The following MRTFB variants were observed in gnomAD, a reference collection of about 807,000 sequenced individuals.
MRTFB encodes the protein myocardin-related transcription factor B.
A neutral mutation model predicts 104.2 loss-of-function variants in MRTFB; 29 were observed. The ratio of observed to expected loss-of-function variants is 0.28; its 90% CI spans 0.21 to 0.38. The LOEUF (loss-of-function observed/expected upper bound fraction) is 0.38. Among genes scored for constraint, MRTFB ranks in the 10% least tolerant of loss-of-function variants. The probability of loss-of-function intolerance (pLI) is 1.00; values close to 1 mark genes in which losing one functional copy is unlikely to be tolerated. For missense variants in MRTFB, 1,270 were observed against 1,341.6 expected (o/e 0.95, Z 0.83); for synonymous variants, 535 against 519.5 (o/e 1.03, Z -0.41).
At chr16:14,133,382 T>A (rs2037540934) in intron 2 of MRTFB, among the ~76,000 whole-genome samples, 1 of 152,232 alleles carries the variant, frequency 6.6e-6, no homozygotes, top group Non-Finnish European at 1.5e-5. Context: ...CTCTGGCTAA[T>A]TAAGTGCCAA....
chr16:14,261,347 A>T lies in MRTFB; in HGVS notation c.3203A>T (p.Asn1068Ile). The T allele has an allele frequency of 6.2e-7, 1 of 1,612,816 alleles. No individual in the cohort carries two copies. Among genetic ancestry groups the T allele is most frequent in the Non-Finnish European group, 8.5e-7 (1 of 1,179,702 alleles). The change falls in exon 17 of 17, where the codon AAC (asparagine) becomes ATC (isoleucine). Residue 1068 changes from asparagine (N) to isoleucine (I), a missense_variant. By Grantham distance (149) the Asn-to-Ile change is moderately radical. Around this residue, in one of 3 missense-constraint regions of MRTFB, gnomAD observed 1,144 missense variants for 1,131.5 expected, o/e 1.01. Transcript: ENST00000571589. The part of the protein sequence containing the change: ...NMEWLDITMP[N>I]SSSGLTPLST... The stretch of plus-strand genomic sequence containing the variant: ...GAGTGGTTGGACATTACCATGCCCA[A>T]CTCCTCTTCAGGACTCACTCCTCTC...
chr16:13,996,631 G>A, the MRTFB span, among the ~76,000 whole-genome samples: 3 of 152,206 alleles, frequency 2.0e-5, no homozygotes, highest in Non-Finnish European at 4.4e-5. Context: ...TGGGGAAGAT[G>A]GATATTAATG....
the MRTFB span, among the ~76,000 whole-genome samples, chr16:14,043,834 C>T: frequency 2.2e-3 from 336 of 152,306 alleles, no homozygotes; most frequent in Non-Finnish European, 3.7e-3. Context: ...GTGCTAGGCA[C>T]ACGGGGAGAG....
chr16:14,194,359 A>C (rs2040331439), intron 3 of MRTFB, among the ~76,000 whole-genome samples: 1 of 152,196 alleles, frequency 6.6e-6, no homozygotes, highest in Non-Finnish European at 1.5e-5. Flanking sequence ...AGAAAGAAAG[A>C]GGGAGGGTGA....
intron 2 of MRTFB, among the ~76,000 whole-genome samples, chr16:14,102,765 T>C (rs1245466598): frequency 2.6e-5 from 4 of 152,238 alleles, no homozygotes; most frequent in African/African-American, 9.6e-5. Flanking sequence ...TAAAACATGG[T>C]ATTATTTCTC....
chr16:14,042,353 AC>A, the MRTFB span, among the ~76,000 whole-genome samples: 1 of 152,076 alleles, frequency 6.6e-6, no homozygotes, highest in Non-Finnish European at 1.5e-5. Context: ...TGAACTCCTG[AC>A]CTCTGGTGAT....
intron 15 of MRTFB, 75 bp from the exon 16 acceptor site, chr16:14,258,026 C>T: frequency 8.0e-7 from 1 of 1,256,076 alleles, no homozygotes; most frequent in Non-Finnish European, 1.2e-6. Flanking sequence ...CTAGAAAGTC[C>T]CTTAGGACTG....
At chr16:14,104,747 A>G (rs1254540391) in intron 2 of MRTFB, among the ~76,000 whole-genome samples, 4 of 152,220 alleles carry the variant, frequency 2.6e-5, no homozygotes, top group African/African-American at 9.6e-5. Flanking sequence ...CTTTTCCTTT[A>G]GGATTTACTT....
intron 3 of MRTFB, among the ~76,000 whole-genome samples, chr16:14,205,657 A>T (rs1416240246): frequency 6.6e-6 from 1 of 152,218 alleles, no homozygotes; most frequent in Non-Finnish European, 1.5e-5. Flanking sequence ...TGTAACATGA[A>T]GTCTGTTTAT....
At position 14,189,946 on chromosome 16, in the gene MRTFB, G is replaced by A. The variant is rs558879450; in HGVS notation, c.155-20297G>A. Among the ~76,000 whole-genome samples the A allele has an allele frequency of 2.0e-5, 3 of 152,278 alleles. No individual in the cohort carries two copies. In the South Asian group the frequency reaches 6.2e-4, roughly 32 times the overall value. ...CAGCCTTTATTAGCAAACGCTGTAG[G>A]ATTCAAGAATTGACGGGATGCCTTA... On this transcript the variant is annotated intron_variant, in intron 3 of 16. Coordinates refer to ENST00000571589, the MANE Select transcript of MRTFB (RefSeq NM_001308142.2).
the MRTFB span, among the ~76,000 whole-genome samples, chr16:14,050,749 C>T: frequency 1.3e-4 from 20 of 152,116 alleles, no homozygotes; most frequent in South Asian, 4.2e-4. Flanking sequence ...TTTTCAGACT[C>T]GGTTTTCTCA....
the MRTFB span, among the ~76,000 whole-genome samples, chr16:14,008,792 C>A: frequency 1.3e-5 from 2 of 152,134 alleles, no homozygotes; most frequent in Non-Finnish European, 2.9e-5. Context: ...TAATATTAAA[C>A]TTTTCCATCT....
chr16:14,058,712 G>GTTT, the MRTFB span, among the ~76,000 whole-genome samples: 675 of 86,882 alleles, frequency 7.8e-3, 3 homozygotes, highest in African/African-American at 1.0e-2. Flanking sequence ...ATTTGTATTT[G>GTTT]TTTTTTTTTT....
chr16:14,200,720 G>C, intron 3 of MRTFB: 1 of 1,522,554 alleles, frequency 6.6e-7, no homozygotes, highest in East Asian at 2.3e-5. Context: ...GTCAGAGGCT[G>C]AATCAGGAAT....
chr16:14,174,907 T>A (rs1245789471), intron 3 of MRTFB, among the ~76,000 whole-genome samples: 1 of 152,188 alleles, frequency 6.6e-6, no homozygotes, highest in Non-Finnish European at 1.5e-5. Flanking sequence ...TTTATTTGAA[T>A]GGATGAATAG....
intron 2 of MRTFB, among the ~76,000 whole-genome samples, chr16:14,095,125 A>G (rs2035290424): frequency 6.6e-6 from 1 of 152,250 alleles, no homozygotes; most frequent in African/African-American, 2.4e-5. Context: ...AAGGCAGTGC[A>G]TGGAAGGTAA....
the MRTFB span, among the ~76,000 whole-genome samples, chr16:14,056,519 T>C: frequency 1.3e-5 from 2 of 152,228 alleles, no homozygotes. Flanking sequence ...AATTCCCTAT[T>C]TTCTGGCATC....
rs979500343 is a variant in MRTFB at position 14,262,075 on chromosome 16, C to A, written c.*631C>A. 1 of 152,056 alleles carries A rather than the reference C, an allele frequency of 6.6e-6. No individual in the cohort carries two copies. Among genetic ancestry groups the A allele is most frequent in the Admixed American group, 6.5e-5 (1 of 15,274 alleles). 9.4% of individuals were successfully genotyped at this position (152,056 alleles called of 1,614,324 possible). A position where few individuals can be genotyped will look rare whatever the true frequency, so the allele number is the denominator to read the frequency against. On this transcript the variant is annotated 3_prime_UTR_variant, in exon 17 of 17. Transcript: ENST00000571589. ...TTTTTTGGAATCGTACTTTATATTTCCAAATTTAAATTTAAATGCAAGATC... is the reference window on the plus strand; with the variant it reads ...TTTTTTGGAATCGTACTTTATATTTACAAATTTAAATTTAAATGCAAGATC...
the MRTFB span, among the ~76,000 whole-genome samples, chr16:14,059,953 T>C: frequency 6.6e-6 from 1 of 151,542 alleles, no homozygotes; most frequent in African/African-American, 2.4e-5. Context: ...TTCAGAACCC[T>C]TCTCAACTTC....
Sources: allele counts gnomAD v4.1 joint callset (sites outside exome capture counted in the v4.1 genomes callset), GRCh38; gene constraint gnomAD v4.1.1; regional missense constraint gnomAD v4.1.1; transcripts MANE v1.5; gene names NCBI Gene and HGNC (gene_info 2026-07-23, HGNC 2026-07-21).